Variants in ASXL2 observed in about 807,000 individuals in gnomAD.
ASXL2 encodes putative Polycomb group protein ASXL2.
Under a neutral mutation model 122.0 loss-of-function variants are expected in ASXL2, and 23 were observed. The ratio of observed to expected loss-of-function variants is 0.19; its 90% CI spans 0.14 to 0.27. The LOEUF is 0.27. Among genes scored for constraint, ASXL2 ranks in the 10% least tolerant of loss-of-function variants. The probability of loss-of-function intolerance (pLI) is 1.00; values close to 1 mark genes in which losing one functional copy is unlikely to be tolerated. For synonymous variants in ASXL2, 650 were observed against 637.0 expected (o/e 1.02, Z -0.31); for missense variants, 1,518 against 1,713.8 (o/e 0.89, Z 2.02).
rs35973982 is a variant in ASXL2, at chr2:25,781,966, C to CT, written c.404-10427dup. Among the ~76,000 whole-genome samples the CT allele has an allele frequency of 3.3e-3, 266 of 81,038 alleles. 20 individuals are homozygous for CT. Among genetic ancestry groups the CT allele is most frequent in the East Asian group, 7.0e-3 (24 of 3,430 alleles). The allele number at this position is 81,038 out of a possible 152,430, so 53.2% of individuals were successfully genotyped here. The stretch of plus-strand genomic sequence containing the variant: ...CGTGAGCCACCGCCCGGGCTTTTTT[C>CT]TTTTTTTTTTTTTTTTTTTGTAGAG... On this transcript the variant is annotated intron_variant, in intron 5 of 12. Coordinates refer to ENST00000435504, the MANE Select transcript of ASXL2 (RefSeq NM_018263.6).
chr2:25,808,098 A>G (rs536645300), intron 3 of ASXL2, among the ~76,000 whole-genome samples: 40 of 150,842 alleles, frequency 2.7e-4, no homozygotes, highest in South Asian at 2.1e-3. Context: ...TATGGGGGGG[A>G]AAAAAAACAA....
chr2:25,741,921 CA>C lies in ASXL2; in HGVS notation c.*107del. 9.1e-7 allele frequency: 1 copy of C among 1,102,650 alleles called. No individual in the cohort carries two copies. Among genetic ancestry groups the C allele is most frequent in the East Asian group, 2.4e-5 (1 of 41,418 alleles). 68.3% of individuals were successfully genotyped at this position (1,102,650 alleles called of 1,614,324 possible). A position where few individuals can be genotyped will look rare whatever the true frequency, so the allele number is the denominator to read the frequency against. On this transcript the variant is annotated 3_prime_UTR_variant, in exon 13 of 13. Coordinates refer to ENST00000435504, the MANE Select transcript of ASXL2 (RefSeq NM_018263.6). ...ATTAAGTAACATTTGTCTCTGAAGA[CA>C]ACTGAAACCTACTTGTTTATTTCTG...
chr2:25,799,550 A>T lies in ASXL2; in HGVS notation c.253-15T>A. 1.2e-6 allele frequency: 2 copies of T among 1,606,840 alleles called. No homozygotes were observed. Among genetic ancestry groups the T allele is most frequent in the Non-Finnish European group, 1.7e-6 (2 of 1,177,000 alleles). ...GGCACATCTTTCTGAAAATGTAGGCATCCAATTAGGATTAATCATTACCAT... is the reference window on the plus strand; with the variant it reads ...GGCACATCTTTCTGAAAATGTAGGCTTCCAATTAGGATTAATCATTACCAT... On this transcript the variant is annotated splice_polypyrimidine_tract_variant and intron_variant, in intron 4 of 12. Transcript: ENST00000435504.
chr2:25,819,784 G>C (rs1242689971), intron 3 of ASXL2, among the ~76,000 whole-genome samples: 2 of 152,190 alleles, frequency 1.3e-5, no homozygotes, highest in African/African-American at 4.8e-5. Flanking sequence ...ACCAAATCTG[G>C]ATAAAGTCTG....
chr2:25,766,718 C>T (rs10180361), intron 8 of ASXL2, among the ~76,000 whole-genome samples: 26,567 of 152,084 alleles, frequency 0.17, 2,529 homozygotes, highest in Non-Finnish European at 0.22. Context: ...TCAGTATTTA[C>T]AGTATTTACA....
chr2:25,762,455 C>A (rs1210076636), intron 8 of ASXL2, among the ~76,000 whole-genome samples: 1 of 151,728 alleles, frequency 6.6e-6, no homozygotes, highest in African/African-American at 2.4e-5. Context: ...CACTTGAGGG[C>A]AGGAGCTCAG....
chr2:25,812,417 G>A (rs1295309037), intron 3 of ASXL2, among the ~76,000 whole-genome samples: 3 of 151,978 alleles, frequency 2.0e-5, no homozygotes, highest in Non-Finnish European at 1.5e-5. Flanking sequence ...CCGAGACCGC[G>A]CCATTGCACT....
chr2:25,794,420 T>C (rs529196527), intron 5 of ASXL2, among the ~76,000 whole-genome samples: 6 of 152,204 alleles, frequency 3.9e-5, no homozygotes, highest in Non-Finnish European at 8.8e-5. Flanking sequence ...AAAAAAGCAA[T>C]ATAAATAGTG....
rs932942721 is a variant in ASXL2 at position 25,733,757 on chromosome 2, G to A, written c.*8272C>T. ...GAAAAGAAAAGGCATAGTCGCTAGG[G>A]TAAAACTGTATGCCTTTATTCAACA... On this transcript the variant is annotated 3_prime_UTR_variant, in exon 13 of 13. Transcript: ENST00000435504. The A allele has an allele frequency of 1.3e-5, 2 of 152,184 alleles. No individual in the cohort carries two copies. The highest frequency in any genetic ancestry group is 2.9e-5 in the Non-Finnish European group (2 of 68,038). The allele number at this position is 152,184 out of a possible 1,614,324, so 9.4% of individuals were successfully genotyped here. A position where few individuals can be genotyped will look rare whatever the true frequency, so the allele number is the denominator to read the frequency against.
intron 1 of ASXL2, among the ~76,000 whole-genome samples, chr2:25,861,044 T>C (rs2089839051): frequency 6.6e-6 from 1 of 151,808 alleles, no homozygotes; most frequent in South Asian, 2.1e-4. Context: ...AGAACTAAAA[T>C]CAAAACTTAA....
At position 25,744,469 on chromosome 2, in the gene ASXL2, A is replaced by G; in HGVS notation, c.1868T>C (p.Val623Ala). Residue 623 changes from valine (V) to alanine (A), a missense_variant, in exon 13 of 13, where the codon GTC becomes GCC. Around this residue, in one of 8 missense-constraint regions of ASXL2, gnomAD observed 292 missense variants for 293.5 expected, o/e 1.00. Transcript: ENST00000435504. The surrounding 1 kb of genome is among the most constrained non-coding windows in gnomAD (Gnocchi z 4.7). ...VRKVPPLKIP[V>A]SRISPMPFHP... ...AAACGGCATGGGGGAGATTCTGGAG[A>G]CCGGGATCTGAAAGAAGTAGAGGGG... 1 of 1,591,182 alleles carries G rather than the reference A, an allele frequency of 6.3e-7. No homozygotes were observed.
At chr2:25,818,189 G>A (rs190793903) in intron 3 of ASXL2, among the ~76,000 whole-genome samples, 10 of 152,298 alleles carry the variant, frequency 6.6e-5, no homozygotes, top group East Asian at 5.8e-4. Flanking sequence ...TTTGACCAAT[G>A]ACTTACTATA....
intron 3 of ASXL2, chr2:25,809,974 G>A (rs1222280571): frequency 1.9e-6 from 1 of 528,594 alleles, no homozygotes; most frequent in Non-Finnish European, 3.8e-6. Flanking sequence ...CCTTTGTACA[G>A]AGTGCCCCTC....
At chr2:25,843,828 AAAAAG>A (rs927980670) in intron 2 of ASXL2, among the ~76,000 whole-genome samples, 5 of 151,516 alleles carry the variant, frequency 3.3e-5, no homozygotes, top group African/African-American at 1.2e-4. Context: ...AAAAAAAAAA[AAAAAG>A]AAAGAAAGAA....
At chr2:25,755,975 A>C in intron 10 of ASXL2, 43 bp downstream of exon 10, 8 of 1,461,802 alleles carry the variant, frequency 5.5e-6, no homozygotes, top group Non-Finnish European at 7.7e-6. Context: ...AGGTGCTCTG[A>C]GTGCACACAC....
At chr2:25,857,412 G>A (rs1330082666) in intron 1 of ASXL2, among the ~76,000 whole-genome samples, 1 of 152,112 alleles carries the variant, frequency 6.6e-6, no homozygotes, top group Non-Finnish European at 1.5e-5. Context: ...TCTGCATATA[G>A]TTTTCATCAT....
intron 7 of ASXL2, 53 bp downstream of exon 7, chr2:25,768,689 T>C (rs2088395023): frequency 8.2e-6 from 13 of 1,585,192 alleles, no homozygotes; most frequent in South Asian, 5.8e-5. Flanking sequence ...AAAACCAACA[T>C]AAAAATACTA....
chr2:25,756,465 G>GAAAAAAAAAAAAAAAA (rs71399321), intron 9 of ASXL2, among the ~76,000 whole-genome samples: 24 of 91,358 alleles, frequency 2.6e-4, no homozygotes, highest in East Asian at 4.5e-4. Context: ...AAAAAAAAAA[G>GAAAAAAAAAAAAAAAA]AAAAAAAAAA....
chr2:25,763,421 C>T (rs1340845441), intron 8 of ASXL2, among the ~76,000 whole-genome samples: 1 of 151,410 alleles, frequency 6.6e-6, no homozygotes, highest in Non-Finnish European at 1.5e-5. Context: ...ACCTGGGAGG[C>T]GGAGGTTGCA....
Sources: gnomAD v4.1 joint callset for allele counts (sites outside exome capture counted in the v4.1 genomes callset) on GRCh38, gnomAD v4.1.1 for gene constraint, gnomAD v4.1.1 regional missense constraint, Gnocchi (gnomAD v3.1) non-coding constraint, MANE v1.5 for transcripts, NCBI Gene and HGNC (gene_info 2026-07-23, HGNC 2026-07-21) for gene names.